The following RNF150 variants were observed in gnomAD, a reference collection of about 807,000 sequenced individuals.
RNF150 encodes the protein ring finger protein 150.
A neutral mutation model predicts 39.3 loss-of-function variants in RNF150; 24 were observed. The observed-to-expected ratio is 0.61, with a 90% CI of 0.44 to 0.86. The LOEUF (loss-of-function observed/expected upper bound fraction) is 0.86. Among genes scored for constraint, RNF150 ranks in the 40% least tolerant of loss-of-function variants. The pLI is 0.00. For synonymous variants in RNF150, 255 were observed against 227.3 expected, an observed-to-expected ratio of 1.12 and a Z score of -1.10; for missense variants, 502 against 587.8, an observed-to-expected ratio of 0.85 and a Z score of 1.51.
rs572378005 is a variant in RNF150, at chr4:141,144,541, G to T, written c.-6+68253C>A. Among the ~76,000 whole-genome samples, 42 of 152,104 alleles carry T rather than the reference G, an allele frequency of 2.8e-4. 1 individual carries two copies. The South Asian group carries it at 7.9e-3, about 29-fold the overall frequency. ...GAGAATTGCCTTGAAATCAGACTTT[G>T]TGGCTAATAAGCTCAATTTGCTCTT... is the stretch of plus-strand genomic sequence containing the variant. On this transcript the variant is annotated intron_variant, in intron 1 of 7. Transcript: ENST00000420921.
intron 1 of RNF150, among the ~76,000 whole-genome samples, chr4:141,125,624 A>G (rs1726727427): frequency 6.6e-6 from 1 of 152,228 alleles, no homozygotes; most frequent in Non-Finnish European, 1.5e-5. Flanking sequence ...TTAAGCAACA[A>G]TAACGGTTAA....
intron 1 of RNF150, among the ~76,000 whole-genome samples, chr4:141,078,108 C>T (rs1737966763): frequency 6.6e-6 from 1 of 152,060 alleles, no homozygotes; most frequent in Non-Finnish European, 1.5e-5. Context: ...AATAAAATGT[C>T]ATCATGCTCT....
intron 1 of RNF150, among the ~76,000 whole-genome samples, chr4:141,147,263 T>A (rs953658962): frequency 1.3e-5 from 2 of 152,376 alleles, no homozygotes; most frequent in African/African-American, 4.8e-5. Flanking sequence ...ATTGTTCATA[T>A]GTAGTCCAGT....
At chr4:141,023,212 A>G (rs1332686427) in intron 1 of RNF150, among the ~76,000 whole-genome samples, 2 of 145,924 alleles carry the variant, frequency 1.4e-5, no homozygotes, top group Non-Finnish European at 3.0e-5. Flanking sequence ...CCACATAAAA[A>G]AGAAACTGGT....
chr4:141,142,999 A>C (rs1727146438), intron 1 of RNF150, among the ~76,000 whole-genome samples: 1 of 151,624 alleles, frequency 6.6e-6, no homozygotes, highest in Non-Finnish European at 1.5e-5. Flanking sequence ...CCTCCTGAGT[A>C]GCTGGGACTA....
chr4:141,033,667 A>T (rs1736036720), intron 1 of RNF150, among the ~76,000 whole-genome samples: 1 of 152,214 alleles, frequency 6.6e-6, no homozygotes, highest in Non-Finnish European at 1.5e-5. Context: ...TTACTCCTTG[A>T]TCCACTGGCT....
At chr4:141,040,860 T>C (rs1415187735) in intron 1 of RNF150, among the ~76,000 whole-genome samples, 5 of 152,184 alleles carry the variant, frequency 3.3e-5, no homozygotes, top group African/African-American at 7.2e-5. Flanking sequence ...ATAGATAATG[T>C]TTTACAAAAT....
Position 141,065,280 on chromosome 4 carries a change from G to A in RNF150, c.484+67045C>T, listed in dbSNP as rs1422597727. On this transcript the variant is annotated intron_variant, in intron 1 of 6. Transcript: ENST00000515673. ...GTCCTGGGTTACTATCTAAGATTTG[G>A]CCACAAACATGCTATCTGTGCGTGA... 7.2e-5 allele frequency among the ~76,000 whole-genome samples: 11 copies of A among 152,182 alleles called. No homozygotes were observed. In the East Asian group the frequency reaches 2.1e-3, roughly 29 times the overall value.
chr4:141,097,987 CT>C (rs1251798834), intron 1 of RNF150, among the ~76,000 whole-genome samples: 1 of 152,134 alleles, frequency 6.6e-6, no homozygotes, highest in Non-Finnish European at 1.5e-5. Context: ...AGATGCCCCC[CT>C]CCCTTATGAA....
intron 1 of RNF150, among the ~76,000 whole-genome samples, chr4:141,063,275 T>G (rs191018835): frequency 1.9e-4 from 29 of 152,352 alleles, no homozygotes; most frequent in African/African-American, 7.0e-4. Flanking sequence ...AAGCAGATGT[T>G]ATCTCAATGA....
chr4:140,932,775 T>C (rs1181167519), intron 4 of RNF150, among the ~76,000 whole-genome samples: 1 of 152,186 alleles, frequency 6.6e-6, no homozygotes, highest in Non-Finnish European at 1.5e-5. Context: ...GCTATGGCCA[T>C]GTGACTAATT....
intron 1 of RNF150, among the ~76,000 whole-genome samples, chr4:141,067,205 T>C (rs2110936178): frequency 6.6e-6 from 1 of 152,316 alleles, no homozygotes; most frequent in South Asian, 2.1e-4. Context: ...GCTTTAAGAA[T>C]AGATAATCTG....
chr4:140,938,045 C>T (rs966020885), intron 4 of RNF150, among the ~76,000 whole-genome samples: 1 of 152,088 alleles, frequency 6.6e-6, no homozygotes, highest in Non-Finnish European at 1.5e-5. Context: ...CTTTTGTTTT[C>T]GACTTCACGA....
At chr4:141,189,110 T>A (rs1728063008) in intron 1 of RNF150, among the ~76,000 whole-genome samples, 1 of 152,208 alleles carries the variant, frequency 6.6e-6, no homozygotes, top group Admixed American at 6.5e-5. Context: ...GCTTTCTGTT[T>A]GTTAGTTTTC....
intron 1 of RNF150, among the ~76,000 whole-genome samples, chr4:141,207,384 G>A (rs1339585045): frequency 6.6e-6 from 1 of 152,178 alleles, no homozygotes; most frequent in Non-Finnish European, 1.5e-5. Context: ...AGAGGGATGA[G>A]AAATGTGGGA....
chr4:140,939,806 A>G (rs1718784838), intron 4 of RNF150, among the ~76,000 whole-genome samples: 1 of 152,210 alleles, frequency 6.6e-6, no homozygotes, highest in African/African-American at 2.4e-5. Flanking sequence ...ACAAATACAT[A>G]TGTATCCATC....
At chr4:141,104,040 G>A (rs7683490) in intron 1 of RNF150, among the ~76,000 whole-genome samples, 20,770 of 152,180 alleles carry the variant, frequency 0.14, 1,567 homozygotes, top group Middle Eastern at 0.19. Flanking sequence ...AATGGAGATC[G>A]TGTGTTCTAA....
intron 6 of RNF150, among the ~76,000 whole-genome samples, chr4:140,892,383 C>T (rs1729783792): frequency 6.6e-6 from 1 of 152,176 alleles, no homozygotes; most frequent in African/African-American, 2.4e-5. Context: ...TGCCAAATGC[C>T]TCCGCTTGTA....
intron 1 of RNF150, among the ~76,000 whole-genome samples, chr4:141,062,615 G>A (rs1388779160): frequency 6.6e-6 from 1 of 152,066 alleles, no homozygotes; most frequent in African/African-American, 2.4e-5. Flanking sequence ...AAGATTCCTA[G>A]GCAGGGATTT....
Sources: allele counts gnomAD v4.1 joint callset (sites outside exome capture counted in the v4.1 genomes callset), GRCh38; gene constraint gnomAD v4.1.1; transcripts MANE v1.5; gene names NCBI Gene and HGNC (gene_info 2026-07-23, HGNC 2026-07-21).